EYS: variants seen among roughly 807,000 people sequenced by gnomAD.
EYS encodes protein eyes shut homolog.
EYS carries 250 observed loss-of-function variants against 282.1 expected under a neutral mutation model. The ratio of observed to expected loss-of-function variants is 0.89; its 90% CI spans 0.80 to 0.98. The LOEUF (loss-of-function observed/expected upper bound fraction) is 0.98, where lower values mean the gene tolerates loss of function less well. Among genes scored for constraint, EYS ranks in the 50% least tolerant of loss-of-function variants. The probability of loss-of-function intolerance (pLI) is 0.00; values close to 1 mark genes in which losing one functional copy is unlikely to be tolerated. For synonymous variants in EYS, 1,355 were observed against 1,282.9 expected (o/e 1.06, Z -1.20); for missense variants, 4,016 against 3,709.0 (o/e 1.08, Z -2.15).
At chr6:65,362,827 A>G (rs1404543610) in intron 8 of EYS, among the ~76,000 whole-genome samples, 1 of 151,966 alleles carries the variant, frequency 6.6e-6, no homozygotes, top group Non-Finnish European at 1.5e-5. Context: ...TTTCTCAAGG[A>G]CTTTCATTTT....
intron 12 of EYS, among the ~76,000 whole-genome samples, chr6:65,262,990 A>G (rs1348359239): frequency 1.3e-5 from 2 of 152,148 alleles, no homozygotes; most frequent in Admixed American, 1.3e-4. Context: ...TTATTAATGT[A>G]AACAATCAAA....
At chr6:64,575,124 A>G (rs555009797) in intron 26 of EYS, among the ~76,000 whole-genome samples, 2 of 152,288 alleles carry the variant, frequency 1.3e-5, no homozygotes, top group East Asian at 3.9e-4. Flanking sequence ...AGAAAAGTAT[A>G]GCACCTAGTC....
At chr6:65,385,876 T>A (rs1472657043) in intron 7 of EYS, among the ~76,000 whole-genome samples, 1 of 151,928 alleles carries the variant, frequency 6.6e-6, no homozygotes, top group Non-Finnish European at 1.5e-5. Context: ...TAGCAACCCT[T>A]CCTATTGAGG....
At chr6:63,892,155 C>A (rs1773424533) in intron 35 of EYS, among the ~76,000 whole-genome samples, 1 of 152,124 alleles carries the variant, frequency 6.6e-6, no homozygotes, top group African/African-American at 2.4e-5. Flanking sequence ...CCATACTGCC[C>A]AAATTAATTT....
At chr6:63,884,105 G>C (rs1773201235) in intron 35 of EYS, among the ~76,000 whole-genome samples, 1 of 152,070 alleles carries the variant, frequency 6.6e-6, no homozygotes, top group Non-Finnish European at 1.5e-5. Context: ...ACAAAGTCTA[G>C]AACAATGGCT....
chr6:65,034,158 A>G (rs1292435783), intron 13 of EYS, among the ~76,000 whole-genome samples: 1 of 152,186 alleles, frequency 6.6e-6, no homozygotes, highest in Non-Finnish European at 1.5e-5. Context: ...ATGTTTACCC[A>G]ATGCCTATAC....
intron 1 of EYS, among the ~76,000 whole-genome samples, chr6:65,683,258 A>T (rs536624510): frequency 9.9e-5 from 15 of 152,126 alleles, no homozygotes; most frequent in Middle Eastern, 3.4e-3. Context: ...AGCACATCTG[A>T]TGAAAAATAG....
intron 35 of EYS, among the ~76,000 whole-genome samples, chr6:63,872,267 G>T (rs1235864670): frequency 6.6e-6 from 1 of 151,878 alleles, no homozygotes; most frequent in Non-Finnish European, 1.5e-5. Flanking sequence ...GAACTTTTCT[G>T]TCACTCAATG....
intron 33 of EYS, among the ~76,000 whole-genome samples, chr6:64,003,118 T>C (rs545055487): frequency 6.6e-6 from 1 of 152,322 alleles, no homozygotes; most frequent in Non-Finnish European, 1.5e-5. Flanking sequence ...AATGGAGTAC[T>C]GTTCAGCCAT....
chr6:64,338,181 A>G (rs988321085), intron 29 of EYS, among the ~76,000 whole-genome samples: 35 of 152,132 alleles, frequency 2.3e-4, no homozygotes, highest in Admixed American at 5.9e-4. Flanking sequence ...GTAAAGAGGA[A>G]GTCAAACTGT....
chr6:65,155,503 G>A (rs911023115), intron 12 of EYS, among the ~76,000 whole-genome samples: 5 of 151,452 alleles, frequency 3.3e-5, no homozygotes, highest in East Asian at 3.9e-4. Flanking sequence ...TCCAAAGGGG[G>A]AGTTTGTAGA....
At chr6:65,660,431 A>C (rs1767964357) in intron 1 of EYS, among the ~76,000 whole-genome samples, 4 of 151,754 alleles carry the variant, frequency 2.6e-5, no homozygotes, top group Admixed American at 2.6e-4. Flanking sequence ...ACTTAGTCAT[A>C]GGTAAGGAGT....
At chr6:65,621,397 A>G (rs1172634532) in intron 2 of EYS, among the ~76,000 whole-genome samples, 1 of 150,590 alleles carries the variant, frequency 6.6e-6, no homozygotes, top group Non-Finnish European at 1.5e-5. Context: ...TTTGTTTTCC[A>G]TTGGCTTGGT....
At chr6:65,313,156 A>T (rs1445698620) in intron 11 of EYS, among the ~76,000 whole-genome samples, 1 of 152,048 alleles carries the variant, frequency 6.6e-6, no homozygotes, top group Non-Finnish European at 1.5e-5. Context: ...CCCCATAGGT[A>T]GGGCTGGTGA....
chr6:64,154,440 CAAAAAAAAAAA>C (rs397819570), intron 31 of EYS, among the ~76,000 whole-genome samples: 648 of 59,504 alleles, frequency 0.011, 9 homozygotes, highest in African/African-American at 0.031. Flanking sequence ...AACTCCGTCT[CAAAAAAAAAAA>C]AAAAAAAAAA....
At chr6:65,125,730 C>G (rs753995192) in intron 12 of EYS, among the ~76,000 whole-genome samples, 4 of 152,054 alleles carry the variant, frequency 2.6e-5, no homozygotes, top group Non-Finnish European at 5.9e-5. Context: ...TGGCACAGGT[C>G]AGAAGCTCAA....
At chr6:65,201,567 G>A (rs530742249) in intron 12 of EYS, among the ~76,000 whole-genome samples, 1 of 152,138 alleles carries the variant, frequency 6.6e-6, no homozygotes, top group African/African-American at 2.4e-5. Flanking sequence ...TTATGCTAAT[G>A]TATAACTAAT....
chr6:64,435,281 T>C (rs1192845262), intron 28 of EYS, among the ~76,000 whole-genome samples: 1 of 152,044 alleles, frequency 6.6e-6, no homozygotes, highest in Non-Finnish European at 1.5e-5. Flanking sequence ...CTTTCCTCAA[T>C]TTATTTGATG....
At chr6:64,732,273 A>C (rs895998163) in intron 22 of EYS, among the ~76,000 whole-genome samples, 3 of 151,714 alleles carry the variant, frequency 2.0e-5, no homozygotes, top group African/African-American at 7.3e-5. Context: ...ACAAACCTGC[A>C]TGTTCTGCAC....
Sources: gnomAD v4.1 joint callset for allele counts (sites outside exome capture counted in the v4.1 genomes callset) on GRCh38, gnomAD v4.1.1 for gene constraint, MANE v1.5 for transcripts, NCBI Gene and HGNC (gene_info 2026-07-23, HGNC 2026-07-21) for gene names.